The following BCAS3 variants were observed in gnomAD, a reference collection of about 807,000 sequenced individuals.
The protein encoded by BCAS3 is BCAS3 microtubule associated cell migration factor.
In BCAS3, 53 loss-of-function variants were observed where a neutral mutation model predicts 116.1. That is an observed-to-expected ratio of 0.46 (90% CI 0.37 to 0.57). The LOEUF (loss-of-function observed/expected upper bound fraction) is 0.57. BCAS3 is among the 20% of genes least tolerant of loss of function. The pLI, the probability that BCAS3 is intolerant of heterozygous loss-of-function variation, is 0.00. For synonymous variants in BCAS3, 391 were observed against 408.2 expected, an observed-to-expected ratio of 0.96 and a Z score of 0.51; for missense variants, 917 against 1,165.4, an observed-to-expected ratio of 0.79 and a Z score of 3.10.
intron 4 of BCAS3, among the ~76,000 whole-genome samples, chr17:60,690,498 AG>A (rs1183332187): frequency 6.6e-6 from 1 of 152,080 alleles, no homozygotes; most frequent in East Asian, 1.9e-4. Flanking sequence ...TGAGCCTGGG[AG>A]GTCTAGGCTG....
intron 6 of BCAS3, among the ~76,000 whole-genome samples, chr17:60,762,811 T>C (rs1430274521): frequency 6.6e-6 from 1 of 152,058 alleles, no homozygotes; most frequent in Non-Finnish European, 1.5e-5. Flanking sequence ...TTTCACGATA[T>C]TGATTCTTCC....
At chr17:61,005,660 C>T (rs749692535) in intron 15 of BCAS3, among the ~76,000 whole-genome samples, 68 of 150,914 alleles carry the variant, frequency 4.5e-4, no homozygotes, top group Non-Finnish European at 8.4e-4. Context: ...TGGGTTGGGG[C>T]GGGAGAATAG....
Position 61,106,374 on chromosome 17 carries a change from T to C in BCAS3, c.2425+21810T>C, listed in dbSNP as rs2074650269. Among the ~76,000 whole-genome samples the C allele has an allele frequency of 6.6e-6, 1 of 152,248 alleles. No homozygotes were observed. Among genetic ancestry groups the C allele is most frequent in the South Asian group, 2.1e-4 (1 of 4,836 alleles). ...GATACACAAATACTGACCATTGTGT[T>C]ACAGTTGCCTACAGTATTCGGTACA... is the stretch of plus-strand genomic sequence containing the variant. On this transcript the variant is annotated intron_variant, in intron 22 of 23. Coordinates refer to ENST00000407086, the MANE Select transcript of BCAS3 (RefSeq NM_017679.5). This position sits in a 1 kb window ranked among gnomAD's most constrained non-coding sequence, Gnocchi z 4.2.
intron 22 of BCAS3, among the ~76,000 whole-genome samples, chr17:61,312,917 C>T (rs2054433984): frequency 6.6e-6 from 1 of 152,228 alleles, no homozygotes; most frequent in East Asian, 1.9e-4. Context: ...TAACCGAAGA[C>T]TTGCATTCCC....
intron 11 of BCAS3, among the ~76,000 whole-genome samples, chr17:60,902,916 C>T (rs1489381969): frequency 1.3e-5 from 2 of 152,206 alleles, no homozygotes; most frequent in African/African-American, 4.8e-5. Context: ...CTTCTGGATT[C>T]TCTGTGATTT....
Position 61,204,013 on chromosome 17 carries a change from G to A in BCAS3, c.2425+119449G>A, listed in dbSNP as rs1178720441. On this transcript the variant is annotated intron_variant, in intron 22 of 23. Coordinates refer to ENST00000407086, the MANE Select transcript of BCAS3 (RefSeq NM_017679.5). The surrounding 1 kb of genome is among the most constrained non-coding windows in gnomAD (Gnocchi z 4.2). ...GGTTTTGGCAGCCTGTCCTCGGGTT[G>A]TTCAGCCTGGTGACCCTAGCCGCCT... 1.3e-5 allele frequency among the ~76,000 whole-genome samples: 2 copies of A among 152,170 alleles called. No individual in the cohort carries two copies. The highest frequency in any genetic ancestry group is 2.9e-5 in the Non-Finnish European group (2 of 68,036).
At chr17:61,221,736 A>C (rs892543217) in intron 22 of BCAS3, among the ~76,000 whole-genome samples, 26 of 152,204 alleles carry the variant, frequency 1.7e-4, no homozygotes, top group African/African-American at 5.8e-4. Flanking sequence ...AGGCACCAAA[A>C]AAAGAAACCT....
chr17:60,728,744 G>T (rs1295256995), intron 5 of BCAS3, among the ~76,000 whole-genome samples: 1 of 152,100 alleles, frequency 6.6e-6, no homozygotes, highest in Non-Finnish European at 1.5e-5. Flanking sequence ...TTCCCAAAGT[G>T]CTGGGATTAC....
chr17:61,341,650 C>A (rs2057161054), intron 22 of BCAS3, among the ~76,000 whole-genome samples: 2 of 152,184 alleles, frequency 1.3e-5, no homozygotes, highest in South Asian at 4.1e-4. Flanking sequence ...CCACAGAACC[C>A]CTAAAATCAC....
chr17:61,027,487 T>A, intron 16 of BCAS3: 1 of 394,650 alleles, frequency 2.5e-6, no homozygotes, highest in South Asian at 2.0e-5. Context: ...TCATCATAGC[T>A]TAATTATTTG....
At chr17:60,864,358 A>T (rs945888876) in intron 7 of BCAS3, among the ~76,000 whole-genome samples, 1 of 152,240 alleles carries the variant, frequency 6.6e-6, no homozygotes, top group Non-Finnish European at 1.5e-5. Flanking sequence ...TAGACCTAAG[A>T]AGGAACTTCT....
rs936684117 is a variant in BCAS3, at chr17:61,156,524, T to G, written c.2425+71960T>G. Reference sequence around the variant, plus strand: ...TCTCTTTGGTTTTGTAGGTTCAGACTGAGGTTGGAACGGGCTTGCTTCTCT... The same window carrying G: ...TCTCTTTGGTTTTGTAGGTTCAGACGGAGGTTGGAACGGGCTTGCTTCTCT... On this transcript the variant is annotated intron_variant, in intron 22 of 23. Transcript: ENST00000407086. The surrounding 1 kb of genome is among the most constrained non-coding windows in gnomAD (Gnocchi z 4.7). Among the ~76,000 whole-genome samples the G allele has an allele frequency of 6.6e-6, 1 of 152,198 alleles. No individual in the cohort carries two copies. Among genetic ancestry groups the G allele is most frequent in the Admixed American group, 6.5e-5 (1 of 15,284 alleles).
At chr17:60,938,622 C>A (rs2060062867) in intron 13 of BCAS3, among the ~76,000 whole-genome samples, 1 of 151,894 alleles carries the variant, frequency 6.6e-6, no homozygotes, top group Non-Finnish European at 1.5e-5. Context: ...ACACCCAAAC[C>A]ACAAAATCTT....
In BCAS3 at chr17:61,161,065, C is replaced by G. The variant is rs1304612694; in HGVS notation, c.2425+76501C>G. Among the ~76,000 whole-genome samples the G allele has an allele frequency of 5.3e-5, 8 of 152,162 alleles. No homozygotes were observed. Among genetic ancestry groups the G allele is most frequent in the African/African-American group, 1.9e-4 (8 of 41,436 alleles). ...CTACAAGAGATCTATAGTTAAAATA[C>G]TCTGCAGATGATGAAGGATAGCATG... On this transcript the variant is annotated intron_variant, in intron 22 of 23. Coordinates refer to ENST00000407086, the MANE Select transcript of BCAS3 (RefSeq NM_017679.5). The surrounding 1 kb of genome is among the most constrained non-coding windows in gnomAD (Gnocchi z 4.8).
At chr17:60,901,238 GTGTTGT>G (rs909570947) in intron 10 of BCAS3, among the ~76,000 whole-genome samples, 3 of 151,476 alleles carry the variant, frequency 2.0e-5, no homozygotes, top group East Asian at 1.9e-4. Context: ...AAAGGTAAGA[GTGTTGT>G]TGTTGTTGTT....
rs1025195180 is a variant in BCAS3 at position 60,850,768 on chromosome 17, C to T, written c.477-17808C>T. ...CATTTCTTTTTGTTGCTGAATAATACTTTTATTAGCAACAAAGAATGAAAT... is the reference window on the plus strand; with the variant it reads ...CATTTCTTTTTGTTGCTGAATAATATTTTTATTAGCAACAAAGAATGAAAT... On this transcript the variant is annotated intron_variant, in intron 7 of 23. Transcript: ENST00000407086. Among the ~76,000 whole-genome samples, 3 of 152,086 alleles carry T rather than the reference C, an allele frequency of 2.0e-5. No individual in the cohort carries two copies. In the East Asian group the frequency reaches 5.8e-4, roughly 29 times the overall value.
At chr17:60,869,236 A>G (rs371615822) in intron 8 of BCAS3, among the ~76,000 whole-genome samples, 7 of 152,192 alleles carry the variant, frequency 4.6e-5, no homozygotes, top group Admixed American at 4.6e-4. Context: ...TTGAACTTCT[A>G]TGTGACCTCT....
At position 60,679,605 on chromosome 17, in the gene BCAS3, T is replaced by A. The variant is rs1031447772; in HGVS notation, c.83+65T>A. 1.5e-5 allele frequency: 20 copies of A among 1,325,982 alleles called. No homozygotes were observed. The African/African-American group carries it at 2.9e-4, about 19-fold the overall frequency. 82.1% of individuals were successfully genotyped at this position (1,325,982 alleles called of 1,614,324 possible). ...ATTACTCAGAATACTAACATTTAGG[T>A]TTTCTTTATGAACAGTGGTTACTTT... On this transcript the variant is annotated intron_variant, in intron 2 of 23. Transcript: ENST00000407086.
chr17:60,842,583 G>A lies in BCAS3; in HGVS notation c.477-25993G>A, dbSNP rs573400296. On this transcript the variant is annotated intron_variant, in intron 7 of 23. Coordinates refer to ENST00000407086, the MANE Select transcript of BCAS3 (RefSeq NM_017679.5). ...TTTGCCAATATTCTGCATACTCTAC[G>A]GGACATGATCTTCTGTGATTCTACA... Among the ~76,000 whole-genome samples, 86 of 151,720 alleles carry A rather than the reference G, an allele frequency of 5.7e-4. No homozygotes were observed. In the Middle Eastern group the frequency reaches 0.021, roughly 36 times the overall value.
Sources: gnomAD v4.1 joint callset for allele counts (sites outside exome capture counted in the v4.1 genomes callset) on GRCh38, gnomAD v4.1.1 for gene constraint, Gnocchi (gnomAD v3.1) non-coding constraint, MANE v1.5 for transcripts, NCBI Gene and HGNC (gene_info 2026-07-23, HGNC 2026-07-21) for gene names.